PCBP3: variants seen among roughly 807,000 people sequenced by gnomAD.
The protein encoded by PCBP3 is poly(rC) binding protein 3.
A neutral mutation model predicts 52.7 loss-of-function variants in PCBP3; 25 were observed. The ratio of observed to expected loss-of-function variants is 0.47; its 90% CI spans 0.35 to 0.66. PCBP3 has a LOEUF of 0.66. Ranked by LOEUF, PCBP3 falls within the 30% of genes least tolerant of loss-of-function variation. The pLI is 0.01. For synonymous variants in PCBP3, 162 were observed against 183.0 expected, an observed-to-expected ratio of 0.89 and a Z score of 0.93; for missense variants, 391 against 490.3, an observed-to-expected ratio of 0.80 and a Z score of 1.91.
chr21:45,715,400 C>T (rs2084146661), intron 2 of PCBP3, among the ~76,000 whole-genome samples: 1 of 152,156 alleles, frequency 6.6e-6, no homozygotes, highest in Admixed American at 6.5e-5. Context: ...CCCATTAAAG[C>T]GTACAAGTGA....
chr21:45,647,840 G>C (rs1045934123), intron 1 of PCBP3, among the ~76,000 whole-genome samples: 2 of 152,164 alleles, frequency 1.3e-5, no homozygotes, highest in African/African-American at 2.4e-5. Context: ...CATGGCAGGG[G>C]AGTTAAGGCA....
intron 15 of PCBP3, among the ~76,000 whole-genome samples, chr21:45,934,663 C>T (rs952510859): frequency 1.3e-5 from 2 of 152,300 alleles, no homozygotes; most frequent in South Asian, 4.2e-4. Context: ...TGTGCAGGGG[C>T]CTCTGGACAG....
At chr21:45,750,875 A>AGTGTGT (rs200225619) in intron 3 of PCBP3, 3 of 115,452 alleles carry the variant, frequency 2.6e-5, no homozygotes, top group African/African-American at 8.6e-5. Context: ...CATACATGTA[A>AGTGTGT]GTGTGTGTGT....
At chr21:45,900,469 G>A in intron 7 of PCBP3, 122 bp from the exon 8 acceptor site, 1 of 729,710 alleles carries the variant, frequency 1.4e-6, no homozygotes. Context: ...TGCTCCTCCA[G>A]CACAGGCAGG....
chr21:45,921,727 G>A (rs1004061971), intron 13 of PCBP3, among the ~76,000 whole-genome samples: 27 of 152,200 alleles, frequency 1.8e-4, no homozygotes, highest in African/African-American at 6.0e-4. Context: ...GCTGAGGCGA[G>A]AGGATTGCCT....
Position 45,737,924 on chromosome 21 carries a change from C to T in PCBP3, c.-162+2495C>T, listed in dbSNP as rs2086009128. On this transcript the variant is annotated intron_variant, in intron 3 of 17. Transcript: ENST00000681687. This position sits in a 1 kb window ranked among gnomAD's most constrained non-coding sequence, Gnocchi z 4.9. ...CCAGGGGAGCCAGTAGTTTTGGAAG[C>T]ACTTGGTTTTTCCATTCCCATGTCT... 6.6e-6 allele frequency among the ~76,000 whole-genome samples: 1 copy of T among 152,212 alleles called. No individual in the cohort carries two copies. The highest frequency in any genetic ancestry group is 2.1e-4 in the South Asian group (1 of 4,836).
Position 45,861,713 on chromosome 21 carries a change from G to A in PCBP3, c.10+11618G>A, listed in dbSNP as rs530571100. On this transcript the variant is annotated intron_variant, in intron 5 of 17. Transcript: ENST00000681687. ...AGTGGAGAGGAATGGACTGGATGGC[G>A]CCAGCTGGGCCTGCTTCTCGCCCTG... Among the ~76,000 whole-genome samples, 9 of 152,314 alleles carry A rather than the reference G, an allele frequency of 5.9e-5. 1 individual carries two copies. Among genetic ancestry groups the A allele is most frequent in the Admixed American group, 4.6e-4 (7 of 15,308 alleles).
rs2093397457 is a variant in PCBP3 at position 45,829,646 on chromosome 21, A to C, written c.-125-20315A>C. 2 of 152,170 alleles carry C rather than the reference A, an allele frequency of 1.3e-5. No individual in the cohort carries two copies. The highest frequency in any genetic ancestry group is 4.8e-5 in the African/African-American group (2 of 41,440). The allele number at this position is 152,170 out of a possible 1,614,324, so 9.4% of individuals were successfully genotyped here. On this transcript the variant is annotated intron_variant, in intron 4 of 17. Coordinates refer to ENST00000681687, the MANE Select transcript of PCBP3 (RefSeq NM_001384156.1). This position sits in a 1 kb window ranked among gnomAD's most constrained non-coding sequence, Gnocchi z 5.2. ...ACTGGGTTTCCTCACCCCAGACCCCACCTGAAGAGCAAAGTTCTGAAGGAC... is the reference window on the plus strand; with the variant it reads ...ACTGGGTTTCCTCACCCCAGACCCCCCCTGAAGAGCAAAGTTCTGAAGGAC...
chr21:45,798,176 G>C (rs371557986), intron 4 of PCBP3, among the ~76,000 whole-genome samples: 5 of 8,712 alleles, frequency 5.7e-4, no homozygotes, highest in Admixed American at 2.2e-3. Context: ...GATCCATAGA[G>C]AGAGTGAATG....
At chr21:45,866,504 G>C (rs1201457555) in intron 5 of PCBP3, among the ~76,000 whole-genome samples, 1 of 152,216 alleles carries the variant, frequency 6.6e-6, no homozygotes, top group African/African-American at 2.4e-5. Context: ...ACCCAAGACA[G>C]AGGCTGGGTG....
intron 2 of PCBP3, among the ~76,000 whole-genome samples, chr21:45,671,175 A>G (rs2081148701): frequency 6.6e-6 from 1 of 152,102 alleles, no homozygotes; most frequent in African/African-American, 2.4e-5. Context: ...CTGTCCTGGG[A>G]AAGGGGAGCA....
intron 1 of PCBP3, among the ~76,000 whole-genome samples, chr21:45,644,278 G>T (rs905310303): frequency 2.6e-5 from 4 of 151,710 alleles, no homozygotes; most frequent in Middle Eastern, 6.8e-3. Context: ...GGCCGCGGCG[G>T]CTGGAGGGCG....
chr21:45,927,741 A>G (rs2075662136), intron 13 of PCBP3, among the ~76,000 whole-genome samples: 1 of 152,132 alleles, frequency 6.6e-6, no homozygotes, highest in African/African-American at 2.4e-5. Context: ...TGTCATCCGC[A>G]GCCACAGCTG....
At chr21:45,669,761 C>T (rs2081028001) in intron 2 of PCBP3, among the ~76,000 whole-genome samples, 1 of 131,284 alleles carries the variant, frequency 7.6e-6, no homozygotes, top group Non-Finnish European at 1.6e-5. Flanking sequence ...GAATTTCTTC[C>T]CTTTTTAAGA....
At chr21:45,690,441 A>G (rs1235422026) in intron 2 of PCBP3, among the ~76,000 whole-genome samples, 1 of 152,174 alleles carries the variant, frequency 6.6e-6, no homozygotes, top group African/African-American at 2.4e-5. Flanking sequence ...AAAAATAAAA[A>G]TAAAGCAATA....
At chr21:45,812,027 T>A (rs1373611215) in intron 4 of PCBP3, among the ~76,000 whole-genome samples, 1 of 152,252 alleles carries the variant, frequency 6.6e-6, no homozygotes, top group African/African-American at 2.4e-5. Context: ...TTTGTTGTTT[T>A]AAAAATTTTA....
intron 3 of PCBP3, among the ~76,000 whole-genome samples, chr21:45,743,927 T>G (rs187193504): frequency 8.3e-4 from 127 of 152,260 alleles, no homozygotes; most frequent in African/African-American, 2.9e-3. Context: ...AATTCTACCT[T>G]TAATAGAATT....
chr21:45,909,836 G>T (rs1480837044), intron 10 of PCBP3, among the ~76,000 whole-genome samples: 1 of 51,558 alleles, frequency 1.9e-5, no homozygotes, highest in South Asian at 8.9e-4. Flanking sequence ...CCCACCCACT[G>T]CCCAGATACG....
In PCBP3 at chr21:45,941,718, A is replaced by G. The variant is rs755293488; in HGVS notation, c.*12A>G. On this transcript the variant is annotated 3_prime_UTR_variant, in exon 18 of 18. Transcript: ENST00000681687. ...TGGGCACGCTGTAATCCTACCCAGCACCCTTCCCCCGCGTCACCCACCTGC... is the reference window on the plus strand; with the variant it reads ...TGGGCACGCTGTAATCCTACCCAGCGCCCTTCCCCCGCGTCACCCACCTGC... The G allele has an allele frequency of 1.3e-6, 2 of 1,598,982 alleles. No homozygotes were observed. The highest frequency in any genetic ancestry group is 1.7e-6 in the Non-Finnish European group (2 of 1,172,556).
Sources: allele counts gnomAD v4.1 joint callset (sites outside exome capture counted in the v4.1 genomes callset), GRCh38; gene constraint gnomAD v4.1.1; non-coding constraint Gnocchi (gnomAD v3.1); transcripts MANE v1.5; gene names NCBI Gene and HGNC (gene_info 2026-07-23, HGNC 2026-07-21).